MBD2: variants seen among roughly 807,000 people sequenced by gnomAD.
The protein encoded by MBD2 is methyl-CpG binding domain protein 2, also known as methyl-CpG-binding domain protein 2.
Under a neutral mutation model 39.3 loss-of-function variants are expected in MBD2, and 9 were observed. The ratio of observed to expected loss-of-function variants is 0.23; its 90% CI spans 0.14 to 0.40. MBD2 has a LOEUF of 0.40. MBD2 is among the 10% of genes least tolerant of loss of function. The probability of loss-of-function intolerance (pLI) is 1.00; values close to 1 mark genes in which losing one functional copy is unlikely to be tolerated. For missense variants in MBD2, 458 were observed against 532.6 expected, an observed-to-expected ratio of 0.86 and a Z score of 1.38; for synonymous variants, 233 against 211.1, an observed-to-expected ratio of 1.10 and a Z score of -0.90.
chr18:54,190,681 T>C (rs2086314305), intron 2 of MBD2, among the ~76,000 whole-genome samples: 1 of 152,252 alleles, frequency 6.6e-6, no homozygotes, highest in African/African-American at 2.4e-5. Context: ...AATTTTTGTT[T>C]ACATCAATTA....
At chr18:54,183,816 GGGAAGAAGCCAGTTTAGAGACAGTT>G in intron 3 of MBD2, among the ~76,000 whole-genome samples, 1 of 152,014 alleles carries the variant, frequency 6.6e-6, no homozygotes, top group Non-Finnish European at 1.5e-5. Flanking sequence ...TAAATGCTTT[GGGAAGAAGCCAGTTTAGAGACAGTT>G]GGAAGATAAA....
At chr18:54,201,571 A>G (rs1045156609) in intron 2 of MBD2, among the ~76,000 whole-genome samples, 3 of 152,112 alleles carry the variant, frequency 2.0e-5, no homozygotes, top group Non-Finnish European at 4.4e-5. Context: ...TCTTAAAAAG[A>G]TATCTTTCTG....
intron 1 of MBD2, among the ~76,000 whole-genome samples, chr18:54,208,667 G>A (rs2086473580): frequency 6.6e-6 from 1 of 152,200 alleles, no homozygotes; most frequent in African/African-American, 2.4e-5. Flanking sequence ...CTTAGCTTAT[G>A]GCTTAGAGAC....
At chr18:54,158,567 C>T (rs2086070921) in intron 6 of MBD2, among the ~76,000 whole-genome samples, 2 of 152,102 alleles carry the variant, frequency 1.3e-5, no homozygotes, top group Admixed American at 1.3e-4. Flanking sequence ...CAAGGTATGC[C>T]CATGGCACAG....
intron 1 of MBD2, among the ~76,000 whole-genome samples, chr18:54,206,212 T>C (rs2086448776): frequency 1.3e-5 from 2 of 152,244 alleles, no homozygotes; most frequent in African/African-American, 4.8e-5. Flanking sequence ...TTGTAAGTAA[T>C]ACTGCCAAAG....
chr18:54,184,581 G>C (rs972027733), intron 3 of MBD2, among the ~76,000 whole-genome samples: 1 of 152,072 alleles, frequency 6.6e-6, no homozygotes, highest in Non-Finnish European at 1.5e-5. Flanking sequence ...GAATCAATTT[G>C]CTAGTATGTA....
In MBD2 at chr18:54,163,115, TA is replaced by T. The variant is rs533597728; in HGVS notation, c.1109+1407del. ...GGTGAAACCCTGTCTCTACTAAAAA[TA>T]AAAAAATTAGCTGGGTATAGTGGCG... On this transcript the variant is annotated intron_variant, in intron 5 of 6. Transcript: ENST00000256429. 6.2e-3 allele frequency among the ~76,000 whole-genome samples: 941 copies of T among 151,868 alleles called. 16 individuals carry two copies. The highest frequency in any genetic ancestry group is 0.022 in the African/African-American group (898 of 41,378).
intron 3 of MBD2, among the ~76,000 whole-genome samples, chr18:54,167,908 G>A (rs1003058788): frequency 6.6e-6 from 1 of 150,638 alleles, no homozygotes; most frequent in African/African-American, 2.4e-5. Flanking sequence ...TTTGCTCTCT[G>A]GTGGAATAAC....
chr18:54,184,460 C>T (rs1470555758), intron 3 of MBD2, among the ~76,000 whole-genome samples: 1 of 152,162 alleles, frequency 6.6e-6, no homozygotes, highest in African/African-American at 2.4e-5. Flanking sequence ...TTGTCTGCCA[C>T]CAAACCAGTC....
chr18:54,164,338 A>G (rs1254268807), intron 5 of MBD2, among the ~76,000 whole-genome samples, 185 bp downstream of exon 5: 1 of 152,194 alleles, frequency 6.6e-6, no homozygotes, highest in Admixed American at 6.5e-5. Context: ...CGTTTCAAGC[A>G]TGTATTTGTT....
intron 1 of MBD2, among the ~76,000 whole-genome samples, chr18:54,216,014 T>C (rs967566097): frequency 1.3e-5 from 2 of 151,716 alleles, no homozygotes; most frequent in Non-Finnish European, 1.5e-5. Context: ...ACCATGTTGG[T>C]CAGGCTGGTC....
intron 2 of MBD2, chr18:54,202,880 A>T (rs2086418411): frequency 8.0e-7 from 1 of 1,242,692 alleles, no homozygotes; most frequent in African/African-American, 1.5e-5. Context: ...TACAATGGCA[A>T]AGCACCAGGG....
chr18:54,167,624 T>C (rs1462612210), intron 3 of MBD2, among the ~76,000 whole-genome samples: 1 of 152,200 alleles, frequency 6.6e-6, no homozygotes, highest in Non-Finnish European at 1.5e-5. Flanking sequence ...AATGAGAAGA[T>C]AAAGTAGTGT....
At chr18:54,193,762 T>G (rs200401873) in intron 2 of MBD2, among the ~76,000 whole-genome samples, 1 of 152,062 alleles carries the variant, frequency 6.6e-6, no homozygotes, top group Admixed American at 6.5e-5. Flanking sequence ...GAGAGAAACA[T>G]TCAATTACAC....
intron 3 of MBD2, among the ~76,000 whole-genome samples, chr18:54,182,026 A>G (rs1305736264): frequency 6.6e-6 from 1 of 152,158 alleles, no homozygotes; most frequent in Non-Finnish European, 1.5e-5. Context: ...TACATTATCT[A>G]TACATGTATT....
At position 54,208,307 on chromosome 18, in the gene MBD2, A is replaced by T. The variant is rs528650313; in HGVS notation, c.543-3150T>A. ...CGGGAGTTTGCGACCAGCCTGACCAACATGGAGAAAACCCATCTCTACTAA... is the reference window on the plus strand; with the variant it reads ...CGGGAGTTTGCGACCAGCCTGACCATCATGGAGAAAACCCATCTCTACTAA... On this transcript the variant is annotated intron_variant, in intron 1 of 6. Coordinates refer to ENST00000256429, the MANE Select transcript of MBD2 (RefSeq NM_003927.5). Among the ~76,000 whole-genome samples the T allele has an allele frequency of 2.0e-4, 30 of 152,288 alleles. No homozygotes were observed. In the East Asian group the frequency reaches 5.6e-3, roughly 28 times the overall value.
chr18:54,195,172 T>C (rs999870391), intron 2 of MBD2, among the ~76,000 whole-genome samples: 5 of 152,076 alleles, frequency 3.3e-5, no homozygotes, highest in African/African-American at 1.2e-4. Context: ...ATGTAAAGCC[T>C]CCACACAGCA....
chr18:54,176,020 A>C (rs1194964524), intron 3 of MBD2, among the ~76,000 whole-genome samples: 1 of 152,252 alleles, frequency 6.6e-6, no homozygotes, highest in Non-Finnish European at 1.5e-5. Flanking sequence ...GTATATGAGG[A>C]CAACAGTGTT....
chr18:54,192,283 A>G (rs188850972), intron 2 of MBD2, among the ~76,000 whole-genome samples: 32 of 152,136 alleles, frequency 2.1e-4, no homozygotes, highest in African/African-American at 7.2e-4. Flanking sequence ...ACCAGGCTGG[A>G]GTGCAGTGGC....
Sources: gnomAD v4.1 joint callset for allele counts (sites outside exome capture counted in the v4.1 genomes callset) on GRCh38, gnomAD v4.1.1 for gene constraint, MANE v1.5 for transcripts, NCBI Gene and HGNC (gene_info 2026-07-23, HGNC 2026-07-21) for gene names.